SH3BP2: variants seen among roughly 807,000 people sequenced by gnomAD.
The protein encoded by SH3BP2 is SH3 domain binding protein 2.
Under a neutral mutation model 56.2 loss-of-function variants are expected in SH3BP2, and 38 were observed. The observed-to-expected ratio is 0.68, with a 90% CI of 0.52 to 0.89. SH3BP2 has a LOEUF of 0.89. SH3BP2 is among the 40% of genes least tolerant of loss of function. SH3BP2 has a pLI of 0.00. For missense variants in SH3BP2, 748 were observed against 762.6 expected (o/e 0.98, Z 0.23); for synonymous variants, 346 against 316.7 (o/e 1.09, Z -0.98).
At chr4:2,797,852 G>A (rs935037154) in intron 1 of SH3BP2, among the ~76,000 whole-genome samples, 8 of 152,210 alleles carry the variant, frequency 5.3e-5, no homozygotes, top group East Asian at 1.9e-4. Flanking sequence ...GGGAAGTGGC[G>A]CGGGCAACGG....
Position 2,829,704 on chromosome 4 carries a change from T to G in SH3BP2, c.798T>G (p.Pro266=). The change falls in exon 8 of 13, where the codon CCT becomes CCG. Residue 266 remains proline (P), a synonymous_variant. Transcript: ENST00000503393. The surrounding 1 kb of genome is among the most constrained non-coding windows in gnomAD (Gnocchi z 4.9). ...RDPLCPRRAE[P]CPRVPATPRR... The stretch of plus-strand genomic sequence containing the variant: ...CACTGTGCCCGAGGCGGGCTGAGCC[T>G]TGCCCCAGGGTACCTGCTACCCCCC... 3 of 1,612,548 alleles carry G rather than the reference T, an allele frequency of 1.9e-6. No individual in the cohort carries two copies. Among genetic ancestry groups the G allele is most frequent in the African/African-American group, 2.7e-5 (2 of 74,826 alleles).
intron 3 of SH3BP2, among the ~76,000 whole-genome samples, chr4:2,824,154 G>A (rs1429783158): frequency 2.0e-5 from 3 of 152,178 alleles, no homozygotes; most frequent in South Asian, 4.1e-4. Flanking sequence ...TAAACTCAGC[G>A]CAAACCCCAC....
In SH3BP2 at chr4:2,820,972, G is replaced by A. The variant is rs1012394313; in HGVS notation, c.136+219G>A. On this transcript the variant is annotated intron_variant, in intron 2 of 12. Coordinates refer to ENST00000503393, the MANE Select transcript of SH3BP2 (RefSeq NM_001122681.2). ...CCGGGGTGGTGCACAGTGCTGGCCA[G>A]CTGGCAAGGGGAGCTGCAGCCTGCA... is the stretch of plus-strand genomic sequence containing the variant. Among the ~76,000 whole-genome samples, 12 of 152,324 alleles carry A rather than the reference G, an allele frequency of 7.9e-5. 1 individual carries two copies. In the South Asian group the frequency reaches 1.5e-3, roughly 18 times the overall value.
intron 1 of SH3BP2, among the ~76,000 whole-genome samples, chr4:2,814,364 C>G (rs902331685): frequency 5.9e-5 from 9 of 152,188 alleles, no homozygotes; most frequent in African/African-American, 1.9e-4. Flanking sequence ...ACTGCTCTGC[C>G]CCCCACCGCA....
chr4:2,813,420 G>T (rs769621524), intron 1 of SH3BP2, among the ~76,000 whole-genome samples: 1 of 152,020 alleles, frequency 6.6e-6, no homozygotes, highest in African/African-American at 2.4e-5. Flanking sequence ...CACAGAGCTT[G>T]GCCCACAGGG....
rs757550176 is a variant in SH3BP2 at position 2,829,774 on chromosome 4, G to C, written c.868G>C (p.Gly290Arg). 3 of 1,612,868 alleles carry C rather than the reference G, an allele frequency of 1.9e-6. No individual in the cohort carries two copies. The highest frequency in any genetic ancestry group is 2.7e-5 in the African/African-American group (2 of 74,854). Residue 290 changes from glycine to arginine, a missense_variant, in exon 8 of 13, where the codon GGC (glycine) becomes CGC (arginine). By Grantham distance (125) the Gly-to-Arg change is moderately radical (BLOSUM62 -2). Coordinates refer to ENST00000503393, the MANE Select transcript of SH3BP2 (RefSeq NM_001122681.2). The surrounding 1 kb of genome is among the most constrained non-coding windows in gnomAD (Gnocchi z 4.9). ...PPLSTMPTAP[G>R]LRKPPCFRES... ...TCTGAGCACCATGCCCACCGCACCC[G>C]GCCTCCGGAAACCCCCTTGCTTCCG...
At chr4:2,805,110 G>A (rs998541192) in intron 1 of SH3BP2, among the ~76,000 whole-genome samples, 3 of 152,192 alleles carry the variant, frequency 2.0e-5, no homozygotes, top group South Asian at 2.1e-4. Context: ...GGCGTCCCAC[G>A]CATCCCAGGA....
Position 2,820,117 on chromosome 4 carries a change from A to G in SH3BP2, c.-4-497A>G, listed in dbSNP as rs138319352. Among the ~76,000 whole-genome samples, 39 of 152,312 alleles carry G rather than the reference A, an allele frequency of 2.6e-4. 1 individual carries two copies. The East Asian group carries it at 7.1e-3, about 28-fold the overall frequency. On this transcript the variant is annotated intron_variant, in intron 1 of 12. Coordinates refer to ENST00000503393, the MANE Select transcript of SH3BP2 (RefSeq NM_001122681.2). ...GCATCTGAGGCTTGGGATCTCCCAGAAAGTCACACCAGGATGGGAGCCCAG... is the reference window on the plus strand; with the variant it reads ...GCATCTGAGGCTTGGGATCTCCCAGGAAGTCACACCAGGATGGGAGCCCAG...
At chr4:2,826,793 T>TGAACATGTGTGC (rs1375999277) in intron 5 of SH3BP2, 8 of 394,622 alleles carry the variant, frequency 2.0e-5, no homozygotes, top group African/African-American at 1.6e-4. Context: ...CGTCTGTGTG[T>TGAACATGTGTGC]GAACATGTGT....
At chr4:2,794,791 A>G (rs1370767008) in intron 1 of SH3BP2, among the ~76,000 whole-genome samples, 8 of 152,286 alleles carry the variant, frequency 5.3e-5, no homozygotes, top group Non-Finnish European at 1.2e-4. Context: ...TTCTGCCCAC[A>G]TGGACAGAGG....
intron 12 of SH3BP2, chr4:2,833,296 G>A (rs1725099552): frequency 3.4e-6 from 2 of 596,544 alleles, no homozygotes; most frequent in Non-Finnish European, 6.0e-6. Flanking sequence ...ACCCTGGGTT[G>A]CTTGTCTTGT....
chr4:2,821,164 C>G (rs1296731914), intron 2 of SH3BP2, among the ~76,000 whole-genome samples: 1 of 152,242 alleles, frequency 6.6e-6, no homozygotes, highest in Non-Finnish European at 1.5e-5. Flanking sequence ...GACCCAGGCT[C>G]TGGCCCCCAG....
chr4:2,829,472 C>A lies in SH3BP2; in HGVS notation c.587-21C>A. The A allele has an allele frequency of 6.2e-7, 1 of 1,613,268 alleles. No individual in the cohort carries two copies. The highest frequency in any genetic ancestry group is 8.5e-7 in the Non-Finnish European group (1 of 1,179,764). ...GGCCCAGTCTCTGTCAGGGTCCAAC[C>A]CGGGTCTCTTTGCTCTGCAGATGCC... On this transcript the variant is annotated intron_variant, in intron 7 of 12. Coordinates refer to ENST00000503393, the MANE Select transcript of SH3BP2 (RefSeq NM_001122681.2). The surrounding 1 kb of genome is among the most constrained non-coding windows in gnomAD (Gnocchi z 4.9).
intron 7 of SH3BP2, among the ~76,000 whole-genome samples, chr4:2,827,883 CAGG>C (rs1724760362): frequency 6.6e-6 from 1 of 152,178 alleles, no homozygotes; most frequent in Non-Finnish European, 1.5e-5. Flanking sequence ...TCCCACCTCC[CAGG>C]AGGAGGGACA....
intron 1 of SH3BP2, among the ~76,000 whole-genome samples, chr4:2,799,982 C>T (rs1039447629): frequency 5.3e-5 from 8 of 152,152 alleles, no homozygotes; most frequent in East Asian, 1.9e-4. Flanking sequence ...AGACCACTGC[C>T]GAACATACGC....
chr4:2,821,846 A>G (rs1724325655), intron 2 of SH3BP2, among the ~76,000 whole-genome samples: 1 of 151,504 alleles, frequency 6.6e-6, no homozygotes, highest in Non-Finnish European at 1.5e-5. Context: ...CATCCAGCCT[A>G]TTTTTTATTT....
At position 2,833,690 on chromosome 4, in the gene SH3BP2, C is replaced by T. The variant is rs148481218; in HGVS notation, c.1549-7C>T. 3.4e-5 allele frequency: 54 copies of T among 1,609,430 alleles called. No individual in the cohort carries two copies. The East Asian group carries it at 1.1e-3, about 32-fold the overall frequency. On this transcript the variant is annotated splice_polypyrimidine_tract_variant and splice_region_variant and intron_variant, in intron 12 of 12. Transcript: ENST00000503393. ...CTGCTGACGCTCCCCCTTCTCTTCC[C>T]CCACAGGACTCTAAGTTCTACCTGG...
rs546640429 is a variant in SH3BP2, at chr4:2,828,672, G to A, written c.587-821G>A. Among the ~76,000 whole-genome samples, 774 of 152,306 alleles carry A rather than the reference G, an allele frequency of 5.1e-3. 7 individuals carry two copies. The highest frequency in any genetic ancestry group is 8.6e-3 in the Non-Finnish European group (583 of 68,014). On this transcript the variant is annotated intron_variant, in intron 7 of 12. Transcript: ENST00000503393. Reference sequence around the variant, plus strand: ...TGCAGCCCAGTGAGGCTAGAGATGGGCCTGGGGAGCCACCAGTGCTCCTGC... The same window carrying A: ...TGCAGCCCAGTGAGGCTAGAGATGGACCTGGGGAGCCACCAGTGCTCCTGC...
At chr4:2,802,404 ATG>A (rs1175501543) in intron 1 of SH3BP2, among the ~76,000 whole-genome samples, 15,450 of 135,776 alleles carry the variant, frequency 0.11, 873 homozygotes, top group Non-Finnish European at 0.14. Context: ...AAAAAAATAT[ATG>A]TGTGTGTGTG....
Sources: gnomAD v4.1 joint callset for allele counts (sites outside exome capture counted in the v4.1 genomes callset) on GRCh38, gnomAD v4.1.1 for gene constraint, Gnocchi (gnomAD v3.1) non-coding constraint, MANE v1.5 for transcripts, NCBI Gene and HGNC (gene_info 2026-07-23, HGNC 2026-07-21) for gene names.